The following PTK2 variants were observed in gnomAD, a reference collection of about 807,000 sequenced individuals.
PTK2 encodes protein tyrosine kinase 2, also known as focal adhesion kinase 1.
In PTK2, 45 loss-of-function variants were observed where a neutral mutation model predicts 150.1. The observed-to-expected ratio is 0.30, with a 90% CI of 0.24 to 0.38. The LOEUF (loss-of-function observed/expected upper bound fraction) is 0.38. PTK2 is among the 10% of genes least tolerant of loss of function. The pLI is 1.00. For missense variants in PTK2, 919 were observed against 1,307.3 expected (o/e 0.70, Z 4.58); for synonymous variants, 432 against 449.2 (o/e 0.96, Z 0.48).
At chr8:140,998,364 T>C (rs983794805) in intron 1 of PTK2, among the ~76,000 whole-genome samples, 3 of 152,210 alleles carry the variant, frequency 2.0e-5, no homozygotes, top group East Asian at 1.9e-4. Context: ...AAGGTTTCCA[T>C]AACCTTTAGA....
intron 16 of PTK2, among the ~76,000 whole-genome samples, chr8:140,760,162 C>T (rs574956692): frequency 3.9e-4 from 59 of 152,014 alleles, no homozygotes; most frequent in African/African-American, 1.3e-3. Context: ...GCGGAGGTTG[C>T]AGTGAGCTGA....
intron 2 of PTK2, among the ~76,000 whole-genome samples, chr8:140,913,608 T>G (rs1361719045): frequency 6.6e-6 from 1 of 152,144 alleles, no homozygotes; most frequent in East Asian, 1.9e-4. Context: ...AAAATTAAAC[T>G]TAAAAGCCAA....
At chr8:140,817,513 G>A (rs2100105472) in intron 10 of PTK2, among the ~76,000 whole-genome samples, 1 of 152,114 alleles carries the variant, frequency 6.6e-6, no homozygotes, top group South Asian at 2.1e-4. Flanking sequence ...CATGTTCCCT[G>A]AACACTCATC....
chr8:140,794,511 G>A (rs564505713), intron 12 of PTK2, among the ~76,000 whole-genome samples: 23 of 151,784 alleles, frequency 1.5e-4, no homozygotes, highest in African/African-American at 4.8e-4. Flanking sequence ...CCCCATACAC[G>A]GAAAATACTT....
At chr8:140,800,114 C>T (rs970422356) in intron 12 of PTK2, among the ~76,000 whole-genome samples, 1 of 152,034 alleles carries the variant, frequency 6.6e-6, no homozygotes, top group Non-Finnish European at 1.5e-5. Context: ...TGAGTTATAA[C>T]GGATTCCTTT....
rs1350230003 is a variant in PTK2, at chr8:140,705,228, G to T, written c.2229+891C>A. Reference sequence around the variant, plus strand: ...CTGACAGTTAAGTACCAATAGTTAAGATTTTTTGCCCATTTTGACCCAAGA... The same window carrying T: ...CTGACAGTTAAGTACCAATAGTTAATATTTTTTGCCCATTTTGACCCAAGA... On this transcript the variant is annotated intron_variant, in intron 24 of 31. Transcript: ENST00000522684. 2.6e-5 allele frequency among the ~76,000 whole-genome samples: 4 copies of T among 152,106 alleles called. No homozygotes were observed. In the South Asian group the frequency reaches 6.2e-4, roughly 24 times the overall value.
chr8:140,819,751 C>T (rs1936539811), intron 8 of PTK2, among the ~76,000 whole-genome samples: 2 of 152,118 alleles, frequency 1.3e-5, no homozygotes, highest in South Asian at 4.1e-4. Flanking sequence ...AGCAATGTAC[C>T]CATGAAGGAG....
chr8:140,901,705 C>T (rs2100158525), intron 2 of PTK2, among the ~76,000 whole-genome samples: 1 of 149,150 alleles, frequency 6.7e-6, no homozygotes, highest in African/African-American at 2.5e-5. Flanking sequence ...GCAGAACGTG[C>T]AGGTTTGTTA....
At chr8:140,971,830 G>A (rs13278775) in intron 1 of PTK2, among the ~76,000 whole-genome samples, 63,461 of 152,026 alleles carry the variant, frequency 0.42, 15,166 homozygotes, top group Non-Finnish European at 0.55. Context: ...TTCAAACTCC[G>A]ATGCAAGTAC....
chr8:140,949,303 C>A (rs1231718516), intron 1 of PTK2, among the ~76,000 whole-genome samples: 1 of 152,206 alleles, frequency 6.6e-6, no homozygotes, highest in Non-Finnish European at 1.5e-5. Context: ...GGAAGCCAGT[C>A]TGGAGGGGCT....
At chr8:140,976,538 A>C (rs577005775) in intron 1 of PTK2, among the ~76,000 whole-genome samples, 1 of 152,370 alleles carries the variant, frequency 6.6e-6, no homozygotes, top group Admixed American at 6.5e-5. Context: ...CTGAAAGGAA[A>C]GCAGCTGCAG....
intron 7 of PTK2, among the ~76,000 whole-genome samples, chr8:140,832,252 A>G (rs1299211625): frequency 6.6e-6 from 1 of 152,108 alleles, no homozygotes; most frequent in Non-Finnish European, 1.5e-5. Context: ...ATGGGGTCTC[A>G]CCATGTTGGC....
chr8:140,885,896 T>G (rs2100152077), intron 3 of PTK2, among the ~76,000 whole-genome samples: 1 of 152,044 alleles, frequency 6.6e-6, no homozygotes, highest in Non-Finnish European at 1.5e-5. Context: ...AGGAGTGAAG[T>G]GCTCTGGCTT....
intron 13 of PTK2, among the ~76,000 whole-genome samples, chr8:140,791,071 G>A (rs565980931): frequency 6.6e-5 from 10 of 152,272 alleles, no homozygotes; most frequent in African/African-American, 2.4e-4. Flanking sequence ...CTCTTGTAAA[G>A]TTTGCTTCAT....
At chr8:140,660,732 C>A in intron 31 of PTK2, 2 of 413,876 alleles carry the variant, frequency 4.8e-6, no homozygotes, top group Non-Finnish European at 9.8e-6. Context: ...ATGTACGCCC[C>A]TCCCCCCGCA....
intron 8 of PTK2, among the ~76,000 whole-genome samples, chr8:140,819,543 C>G (rs1307117267): frequency 6.6e-6 from 1 of 152,154 alleles, no homozygotes; most frequent in Non-Finnish European, 1.5e-5. Flanking sequence ...TAATAGAGAG[C>G]CTGGTTACGT....
intron 27 of PTK2, among the ~76,000 whole-genome samples, chr8:140,677,801 T>G (rs73714720): frequency 0.034 from 5,243 of 152,296 alleles, 278 homozygotes; most frequent in African/African-American, 0.12. Context: ...ACTTCATATA[T>G]CACTATCATA....
chr8:140,679,000 CATGTTTTTTTTTTTTTTTT>C, intron 27 of PTK2, among the ~76,000 whole-genome samples: 1 of 120,196 alleles, frequency 8.3e-6, no homozygotes, highest in Non-Finnish European at 1.7e-5. Context: ...GAGTGCTCCC[CATGTTTTTTTTTTTTTTTT>C]TTTTTTTTTT....
intron 13 of PTK2, among the ~76,000 whole-genome samples, chr8:140,790,945 G>A (rs1233177024): frequency 2.6e-5 from 4 of 152,032 alleles, no homozygotes; most frequent in African/African-American, 4.8e-5. Context: ...CCTTGTCTGC[G>A]CCACAATTAT....
Sources: allele counts gnomAD v4.1 joint callset (sites outside exome capture counted in the v4.1 genomes callset), GRCh38; gene constraint gnomAD v4.1.1; transcripts MANE v1.5; gene names NCBI Gene and HGNC (gene_info 2026-07-23, HGNC 2026-07-21).